Variants in TG observed in about 807,000 individuals in gnomAD.
TG encodes thyroglobulin.
In TG, 270 loss-of-function variants were observed where a neutral mutation model predicts 324.7. The observed-to-expected ratio is 0.83, with a 90% CI of 0.75 to 0.92. TG has a LOEUF of 0.92. TG is among the 40% of genes least tolerant of loss of function. TG has a pLI of 0.00. For missense variants in TG, 3,591 were observed against 3,456.4 expected (o/e 1.04, Z -0.98); for synonymous variants, 1,401 against 1,327.0 (o/e 1.06, Z -1.21).
At chr8:133,042,158 C>A (rs570728384) in intron 41 of TG, among the ~76,000 whole-genome samples, 33 of 152,004 alleles carry the variant, frequency 2.2e-4, no homozygotes, top group Non-Finnish European at 4.0e-4. Flanking sequence ...TACTCAGGGC[C>A]GTAGAAATGT....
At chr8:133,133,314 C>G in intron 46 of TG, 156 bp from the exon 47 acceptor site, 1 of 780,222 alleles carries the variant, frequency 1.3e-6, no homozygotes, top group Non-Finnish European at 2.2e-6. Context: ...AAGATCACAA[C>G]CCCAGAAGCC....
intron 41 of TG, among the ~76,000 whole-genome samples, chr8:133,055,399 A>G (rs77907479): frequency 1.7e-3 from 261 of 150,834 alleles, no homozygotes; most frequent in African/African-American, 6.2e-3. Flanking sequence ...ACACACACAC[A>G]CACACACAGG....
At chr8:133,070,456 C>T (rs1457958644) in intron 41 of TG, among the ~76,000 whole-genome samples, 3 of 152,194 alleles carry the variant, frequency 2.0e-5, no homozygotes, top group Non-Finnish European at 4.4e-5. Context: ...AATACACGGA[C>T]TCATTTGATG....
intron 43 of TG, among the ~76,000 whole-genome samples, chr8:133,112,241 G>A (rs919320241): frequency 6.6e-6 from 1 of 152,284 alleles, no homozygotes; most frequent in Non-Finnish European, 1.5e-5. Context: ...CACAGGTCCT[G>A]TGTGCTTGTA....
chr8:133,067,326 T>C (rs986839272), intron 41 of TG, among the ~76,000 whole-genome samples: 4 of 152,040 alleles, frequency 2.6e-5, no homozygotes, highest in African/African-American at 9.7e-5. Context: ...CTCCTTTCTC[T>C]ACACTGCAGA....
chr8:132,904,514 A>G (rs1021809079), intron 16 of TG, among the ~76,000 whole-genome samples: 3 of 151,830 alleles, frequency 2.0e-5, no homozygotes, highest in Non-Finnish European at 2.9e-5. Flanking sequence ...CTCCTTAGCC[A>G]CTCCTCCCTG....
chr8:132,888,969 A>G (rs1046279421), intron 10 of TG, among the ~76,000 whole-genome samples: 7 of 152,328 alleles, frequency 4.6e-5, no homozygotes, highest in Admixed American at 4.6e-4. Context: ...TTAATTGACC[A>G]ATGAATATTA....
At chr8:132,969,099 C>T (rs1255183032) in intron 31 of TG, among the ~76,000 whole-genome samples, 4 of 152,098 alleles carry the variant, frequency 2.6e-5, no homozygotes, top group African/African-American at 7.2e-5. Flanking sequence ...ACCTTCACCC[C>T]CAGGGCTGCC....
At chr8:132,951,652 T>C (rs1338767949) in intron 27 of TG, among the ~76,000 whole-genome samples, 1 of 152,098 alleles carries the variant, frequency 6.6e-6, no homozygotes, top group Non-Finnish European at 1.5e-5. Context: ...GGCAAGGCTT[T>C]AAGAAGTGTG....
intron 35 of TG, chr8:132,994,598 T>G: frequency 9.1e-7 from 1 of 1,093,462 alleles, no homozygotes; most frequent in African/African-American, 1.6e-5. Flanking sequence ...AAGTTTTTTT[T>G]AAATGATCCT....
Position 132,941,552 on chromosome 8 carries a change from G to A in TG, c.5233+10G>A, listed in dbSNP as rs1824445679. The A allele has an allele frequency of 6.2e-7, 1 of 1,614,040 alleles. No homozygotes were observed. The highest frequency in any genetic ancestry group is 1.1e-5 in the South Asian group (1 of 91,084). ...ACACAGGTTCAAGGAGGTAATGTTG[G>A]CAGTGAGGGCCAGGGCCTAACAAGG... is the stretch of plus-strand genomic sequence containing the variant. On this transcript the variant is annotated intron_variant, in intron 26 of 47. Transcript: ENST00000220616.
chr8:132,955,462 C>T (rs1463720694), intron 27 of TG, among the ~76,000 whole-genome samples: 1 of 152,150 alleles, frequency 6.6e-6, no homozygotes, highest in Non-Finnish European at 1.5e-5. Context: ...GATCACAGAC[C>T]CGTTTTGAAT....
chr8:132,943,670 G>A (rs1215018994), intron 26 of TG, among the ~76,000 whole-genome samples: 1 of 151,922 alleles, frequency 6.6e-6, no homozygotes, highest in South Asian at 2.1e-4. Flanking sequence ...ACCTTCCCTC[G>A]AGTGCCTTTC....
rs531835386 is a variant in TG at position 132,961,029 on chromosome 8, C to T, written c.5423C>T (p.Thr1808Ile). The T allele has an allele frequency of 3.7e-6, 6 of 1,614,042 alleles. 1 individual carries two copies. In the South Asian group the frequency reaches 4.4e-5, roughly 12 times the overall value. The change falls in exon 28 of 48, where the codon ACT (threonine) becomes ATT (isoleucine). Residue 1808 changes from threonine (T) to isoleucine (I), a missense_variant. By Grantham distance (89) the Thr-to-Ile change is moderately conservative. Transcript: ENST00000220616. Reference protein sequence around the residue: ...FIKSLTPLEGTQDTFTNFQQV... With the variant: ...FIKSLTPLEGIQDTFTNFQQV... The stretch of plus-strand genomic sequence containing the variant: ...GCAGGTCTGACACCCTTAGAAGGAA[C>T]TCAAGACACCTTTACCAATTTTCAG...
intron 6 of TG, 84 bp from the exon 7 acceptor site, chr8:132,882,385 T>C (rs1814767389): frequency 1.3e-6 from 2 of 1,497,290 alleles, no homozygotes; most frequent in African/African-American, 1.4e-5. Context: ...GAAGGCTGTC[T>C]CTCTCAGTAT....
intron 43 of TG, among the ~76,000 whole-genome samples, chr8:133,100,882 A>G (rs1849139113): frequency 6.6e-6 from 1 of 152,232 alleles, no homozygotes; most frequent in Non-Finnish European, 1.5e-5. Context: ...AGCCTAAGTG[A>G]AGTAACTCAT....
chr8:132,962,282 G>A (rs1463511754), intron 28 of TG, among the ~76,000 whole-genome samples: 2 of 152,198 alleles, frequency 1.3e-5, no homozygotes, highest in South Asian at 4.2e-4. Flanking sequence ...TAAAGAGGGG[G>A]TGATATTTTA....
At chr8:132,943,726 C>T (rs1824817720) in intron 26 of TG, among the ~76,000 whole-genome samples, 1 of 152,194 alleles carries the variant, frequency 6.6e-6, no homozygotes. Flanking sequence ...CAAGCTGAGA[C>T]CCTGTCTCAC....
At chr8:133,065,485 G>A (rs1446741986) in intron 41 of TG, among the ~76,000 whole-genome samples, 1 of 152,208 alleles carries the variant, frequency 6.6e-6, no homozygotes, top group African/African-American at 2.4e-5. Flanking sequence ...TATCAGGCCG[G>A]GCGCGGTGGC....
Sources: allele counts gnomAD v4.1 joint callset (sites outside exome capture counted in the v4.1 genomes callset), GRCh38; gene constraint gnomAD v4.1.1; transcripts MANE v1.5; gene names NCBI Gene and HGNC (gene_info 2026-07-23, HGNC 2026-07-21).